The following LRRC3B variants were observed in gnomAD, a reference collection of about 807,000 sequenced individuals.
LRRC3B encodes leucine-rich repeat-containing protein 3B.
A neutral mutation model predicts 12.8 loss-of-function variants in LRRC3B; 2 were observed. That is an observed-to-expected ratio of 0.16 (90% CI 0.06 to 0.49). The LOEUF (loss-of-function observed/expected upper bound fraction) is 0.49, where lower values mean the gene tolerates loss of function less well. Among genes scored for constraint, LRRC3B ranks in the 20% least tolerant of loss-of-function variants. The pLI is 0.96. For missense variants in LRRC3B, 189 were observed against 319.4 expected, an observed-to-expected ratio of 0.59 and a Z score of 3.11; for synonymous variants, 132 against 122.0, an observed-to-expected ratio of 1.08 and a Z score of -0.54.
At chr3:26,691,117 A>G (rs890612213) in intron 1 of LRRC3B, among the ~76,000 whole-genome samples, 1 of 140,342 alleles carries the variant, frequency 7.1e-6, no homozygotes, top group African/African-American at 2.6e-5. Context: ...ATATATATAT[A>G]TATATATATA....
intron 1 of LRRC3B, among the ~76,000 whole-genome samples, chr3:26,652,667 C>T (rs1160923452): frequency 6.6e-6 from 1 of 151,944 alleles, no homozygotes; most frequent in Non-Finnish European, 1.5e-5. Context: ...TATCTCATTC[C>T]TTGGATTACT....
At chr3:26,644,396 G>C (rs867051739) in intron 1 of LRRC3B, among the ~76,000 whole-genome samples, 3 of 152,178 alleles carry the variant, frequency 2.0e-5, no homozygotes, top group Admixed American at 6.5e-5. Context: ...GAGAATCTGA[G>C]TTATTTCACA....
intron 1 of LRRC3B, among the ~76,000 whole-genome samples, chr3:26,662,687 G>A (rs749485932): frequency 6.6e-6 from 1 of 152,124 alleles, no homozygotes; most frequent in Non-Finnish European, 1.5e-5. Context: ...TTCTTGAAGA[G>A]AGTGTGGCTA....
At chr3:26,680,698 A>C (rs956262083) in intron 1 of LRRC3B, among the ~76,000 whole-genome samples, 1 of 152,230 alleles carries the variant, frequency 6.6e-6, no homozygotes, top group Non-Finnish European at 1.5e-5. Flanking sequence ...AAATATGCCA[A>C]GATTATTTGG....
At chr3:26,669,304 G>C (rs1699672152) in intron 1 of LRRC3B, among the ~76,000 whole-genome samples, 1 of 152,138 alleles carries the variant, frequency 6.6e-6, no homozygotes, top group African/African-American at 2.4e-5. Context: ...CCAGGTGTGT[G>C]CTTCTAGAAC....
chr3:26,707,094 T>C (rs1438077940), intron 1 of LRRC3B, among the ~76,000 whole-genome samples: 1 of 151,900 alleles, frequency 6.6e-6, no homozygotes, highest in Admixed American at 6.6e-5. Flanking sequence ...GGCTCATACC[T>C]GTAATCCTAG....
chr3:26,707,453 T>G (rs760626345), intron 1 of LRRC3B, among the ~76,000 whole-genome samples: 86 of 152,332 alleles, frequency 5.6e-4, no homozygotes, highest in South Asian at 2.3e-3. Context: ...CTATTGTCTC[T>G]GCAAGAGGCA....
intron 1 of LRRC3B, among the ~76,000 whole-genome samples, chr3:26,626,730 C>T (rs191277538): frequency 5.8e-4 from 88 of 152,278 alleles, no homozygotes; most frequent in Non-Finnish European, 8.5e-4. Flanking sequence ...TAAGCTACCA[C>T]AAATGTGACT....
intron 1 of LRRC3B, among the ~76,000 whole-genome samples, chr3:26,672,027 G>C (rs6802650): frequency 0.49 from 75,129 of 151,974 alleles, 21,124 homozygotes; most frequent in African/African-American, 0.76. Context: ...TTTTAAAGAC[G>C]TTTCAATAAC....
chr3:26,647,891 C>T (rs1007935574), intron 1 of LRRC3B, among the ~76,000 whole-genome samples: 4 of 152,132 alleles, frequency 2.6e-5, no homozygotes, highest in Non-Finnish European at 4.4e-5. Context: ...AGCTTCCCCG[C>T]GCCAAGCTTT....
chr3:26,693,660 T>TA (rs1700241912), intron 1 of LRRC3B, among the ~76,000 whole-genome samples: 1 of 152,170 alleles, frequency 6.6e-6, no homozygotes, highest in Non-Finnish European at 1.5e-5. Context: ...CAACATGCCC[T>TA]AAAAATCACA....
Position 26,629,971 on chromosome 3 carries a change from CAAAAAAA to C in LRRC3B, c.-161+6748_-161+6754del, listed in dbSNP as rs35195778. Among the ~76,000 whole-genome samples the C allele has an allele frequency of 7.5e-5, 7 of 93,396 alleles. No individual in the cohort carries two copies. The South Asian group carries it at 2.1e-3, about 28-fold the overall frequency. 61.3% of individuals were successfully genotyped at this position (93,396 alleles called of 152,430 possible). On this transcript the variant is annotated intron_variant, in intron 1 of 1. Transcript: ENST00000396641. ...AGAAAGAGGTGTAAGAGAAGCATGGCAAAAAAAAAAAAAAAAAAAATCTATCCAAAGG... is the reference window on the plus strand; with the variant it reads ...AGAAAGAGGTGTAAGAGAAGCATGGCAAAAAAAAAAAAATCTATCCAAAGG...
chr3:26,676,173 G>GCTGCACCC (rs1699856527), intron 1 of LRRC3B, among the ~76,000 whole-genome samples: 1 of 151,458 alleles, frequency 6.6e-6, no homozygotes, highest in Non-Finnish European at 1.5e-5. Context: ...ATGTTGGTGT[G>GCTGCACCC]CTGCACCCAT....
chr3:26,682,546 GAAGA>G (rs1699992603), intron 1 of LRRC3B, among the ~76,000 whole-genome samples: 2 of 152,090 alleles, frequency 1.3e-5, no homozygotes, highest in African/African-American at 4.8e-5. Flanking sequence ...TTCCTGGTGG[GAAGA>G]TCTATTTATT....
chr3:26,685,874 G>GCTTA (rs1268206537), intron 1 of LRRC3B, among the ~76,000 whole-genome samples: 2 of 152,050 alleles, frequency 1.3e-5, no homozygotes, highest in South Asian at 2.1e-4. Flanking sequence ...TCCATCAATA[G>GCTTA]CTTAGTCCAG....
chr3:26,705,984 T>G (rs1006221340), intron 1 of LRRC3B, among the ~76,000 whole-genome samples: 4 of 152,312 alleles, frequency 2.6e-5, no homozygotes, highest in East Asian at 1.9e-4. Flanking sequence ...CCTGGACATC[T>G]AAGTCTTTTT....
chr3:26,633,260 G>A (rs1263754456), intron 1 of LRRC3B, among the ~76,000 whole-genome samples: 1 of 151,972 alleles, frequency 6.6e-6, no homozygotes, highest in East Asian at 1.9e-4. Context: ...GTTCTAATTA[G>A]TCGGCCATTT....
At chr3:26,707,253 T>C (rs1700619005) in intron 1 of LRRC3B, among the ~76,000 whole-genome samples, 1 of 150,190 alleles carries the variant, frequency 6.7e-6, no homozygotes, top group Middle Eastern at 3.6e-3. Flanking sequence ...TAGTTCCAGA[T>C]ACTCGGGAGG....
chr3:26,654,340 G>C (rs1699326784), intron 1 of LRRC3B, among the ~76,000 whole-genome samples: 2 of 152,184 alleles, frequency 1.3e-5, no homozygotes, highest in Non-Finnish European at 2.9e-5. Context: ...CTGCATGCTA[G>C]AATCTCTTAG....
Sources: gnomAD v4.1 joint callset for allele counts (sites outside exome capture counted in the v4.1 genomes callset) on GRCh38, gnomAD v4.1.1 for gene constraint, MANE v1.5 for transcripts, NCBI Gene and HGNC (gene_info 2026-07-23, HGNC 2026-07-21) for gene names.